ZNF7: variants seen among roughly 807,000 people sequenced by gnomAD.
ZNF7 encodes C2-H2 type zinc finger protein.
In ZNF7, 10 loss-of-function variants were observed where a neutral mutation model predicts 12.0. The observed-to-expected ratio is 0.83, with a 90% CI of 0.51 to 1.42. The LOEUF is 1.42. ZNF7 is among the 40% of genes most tolerant of loss of function. ZNF7 has a pLI of 0.00. For missense variants in ZNF7, 854 were observed against 837.2 expected (o/e 1.02, Z -0.25); for synonymous variants, 334 against 295.0 (o/e 1.13, Z -1.35).
At chr8:144,828,173 T>C (rs954633493) in intron 1 of ZNF7, 1 of 152,238 alleles carries the variant, frequency 6.6e-6, no homozygotes, top group African/African-American at 2.4e-5. Flanking sequence ...CACAAACCAC[T>C]TTCTGGGCCA....
At chr8:144,833,537 C>T (rs11986374) in intron 3 of ZNF7, among the ~76,000 whole-genome samples, 4 of 151,790 alleles carry the variant, frequency 2.6e-5, no homozygotes, top group South Asian at 4.2e-4. Context: ...CCACCACACC[C>T]GGCCAATTTT....
rs1401627086 is a variant in ZNF7, at chr8:144,842,320, A to G, written c.1213A>G (p.Arg405Gly). ...CAGTCCAAGCCTTGTTGCACATCAGAGAATTCACGCTGTAGAGAAACCATT... is the reference window on the plus strand; with the variant it reads ...CAGTCCAAGCCTTGTTGCACATCAGGGAATTCACGCTGTAGAGAAACCATT... Reference protein sequence around the residue: ...SDSPSLVAHQRIHAVEKPFKC... With the variant: ...SDSPSLVAHQGIHAVEKPFKC... Residue 405 changes from arginine (R) to glycine (G), a missense_variant, in exon 5 of 5, where the codon AGA becomes GGA. Transcript: ENST00000532777. The G allele has an allele frequency of 1.2e-6, 2 of 1,614,044 alleles. No homozygotes were observed. Among genetic ancestry groups the G allele is most frequent in the African/African-American group, 1.3e-5 (1 of 75,072 alleles).
Position 144,827,628 on chromosome 8 carries a change from C to T in ZNF7, c.-46+19C>T, listed in dbSNP as rs998708703. 2.4e-5 allele frequency: 24 copies of T among 985,482 alleles called. No individual in the cohort carries two copies. The highest frequency in any genetic ancestry group is 3.5e-5 in the African/African-American group (2 of 57,362). 61.0% of individuals were successfully genotyped at this position (985,482 alleles called of 1,614,324 possible). On this transcript the variant is annotated intron_variant, in intron 1 of 4. Coordinates refer to ENST00000532777, the MANE Select transcript of ZNF7 (RefSeq NM_003416.4). ...AGGGAGGGTGAGTCGGCGCGGCGGG[C>T]GCGGACTCGGGTTGCCCTCGGTCCG...
At position 144,842,679 on chromosome 8, in the gene ZNF7, C is replaced by T; in HGVS notation, c.1572C>T (p.Pro524=). 6.2e-7 allele frequency: 1 copy of T among 1,614,100 alleles called. No individual in the cohort carries two copies. Among genetic ancestry groups the T allele is most frequent in the Non-Finnish European group, 8.5e-7 (1 of 1,180,032 alleles). Residue 524 remains proline (P), a synonymous_variant, in exon 5 of 5, where the codon CCC becomes CCT. Coordinates refer to ENST00000532777, the MANE Select transcript of ZNF7 (RefSeq NM_003416.4). The part of the protein sequence containing the change: ...YHQRIHKGEK[P]YECLQCGKAF... ...AGAGAATCCATAAAGGAGAGAAGCC[C>T]TACGAATGCCTCCAATGCGGAAAAG... is the stretch of plus-strand genomic sequence containing the variant.
Position 144,841,748 on chromosome 8 carries a change from A to G in ZNF7, c.641A>G (p.His214Arg), listed in dbSNP as rs572851313. 8.7e-6 allele frequency: 14 copies of G among 1,614,202 alleles called. No individual in the cohort carries two copies. In the South Asian group the frequency reaches 1.3e-4, roughly 15 times the overall value. Residue 214 changes from histidine to arginine, a missense_variant, in exon 5 of 5, where the codon CAT (histidine) becomes CGT (arginine). Coordinates refer to ENST00000532777, the MANE Select transcript of ZNF7 (RefSeq NM_003416.4). ...GIRATSDIAL[H>R]WEINTQKISR... ...AGAGCCACTTCAGATATCGCTCTGC[A>G]TTGGGAAATTAATACACAGAAAATT...
rs777723168 is a variant in ZNF7, at chr8:144,841,594, T to C, written c.487T>C (p.Phe163Leu). 12 of 1,614,024 alleles carry C rather than the reference T, an allele frequency of 7.4e-6. No homozygotes were observed. The African/African-American group carries it at 1.2e-4, about 16-fold the overall frequency. ...TGAGGAGACTGTGGTTCCCAAGACC[T>C]TCACCAAGGACGCACCCCAGGGATG... ...LNEETVVPKT[F>L]TKDAPQGCKE... The change falls in exon 5 of 5, where the codon TTC becomes CTC. Residue 163 changes from phenylalanine to leucine, a missense_variant. Coordinates refer to ENST00000532777, the MANE Select transcript of ZNF7 (RefSeq NM_003416.4).
chr8:144,839,679 C>T (rs770659243), intron 4 of ZNF7, among the ~76,000 whole-genome samples: 2 of 152,310 alleles, frequency 1.3e-5, no homozygotes, highest in Non-Finnish European at 2.9e-5. Context: ...GGGATGTAGC[C>T]TCTTAGATAA....
intron 3 of ZNF7, among the ~76,000 whole-genome samples, chr8:144,833,349 TTTG>T (rs761981940): frequency 3.7e-4 from 53 of 143,090 alleles, no homozygotes; most frequent in Non-Finnish European, 7.6e-4. Flanking sequence ...TTGGTTTTTT[TTTG>T]TTTGTTTGTT....
Position 144,841,484 on chromosome 8 carries a change from C to T in ZNF7, c.377C>T (p.Ser126Phe). 1 of 1,613,890 alleles carries T rather than the reference C, an allele frequency of 6.2e-7. No individual in the cohort carries two copies. The highest frequency in any genetic ancestry group is 1.1e-5 in the South Asian group (1 of 91,078). ...CAGAATCCTGGCTTTGGAGACGTTT[C>T]TGATTCTGAGGTCTGGTTAGACAGT... ...FPQNPGFGDV[S>F]DSEVWLDSHL... The change falls in exon 5 of 5, where the codon TCT (serine) becomes TTT (phenylalanine). Residue 126 changes from serine (S) to phenylalanine (F), a missense_variant. By Grantham distance (155) the Ser-to-Phe change is radical. Transcript: ENST00000532777.
chr8:144,834,003 C>G (rs1563829182), intron 3 of ZNF7: 1 of 152,062 alleles, frequency 6.6e-6, no homozygotes, highest in African/African-American at 2.4e-5. Context: ...TGGTCTCGAA[C>G]TAACCTCAGG....
chr8:144,829,320 C>T, intron 2 of ZNF7, 158 bp from the exon 3 acceptor site: 1 of 1,538,146 alleles, frequency 6.5e-7, no homozygotes, highest in Non-Finnish European at 8.7e-7. Context: ...CCTTCCTCCT[C>T]CCCGAGACTG....
At chr8:144,829,214 C>T in intron 2 of ZNF7, 124 bp downstream of exon 2, 1 of 1,568,642 alleles carries the variant, frequency 6.4e-7, no homozygotes, top group Non-Finnish European at 8.6e-7. Context: ...GCCCCCTTGC[C>T]CCCAACCCCA....
At chr8:144,831,063 G>T (rs1395509535) in intron 3 of ZNF7, 4 of 455,996 alleles carry the variant, frequency 8.8e-6, no homozygotes, top group Non-Finnish European at 1.8e-5. Context: ...CATCCAGTGA[G>T]CTTGGTGCTT....
chr8:144,833,310 G>T (rs138887499), intron 3 of ZNF7, among the ~76,000 whole-genome samples: 1,574 of 151,048 alleles, frequency 0.01, 29 homozygotes, highest in African/African-American at 0.036. Context: ...AATCTCTCTT[G>T]TGGGCCAGCT....
rs778979242 is a variant in ZNF7, at chr8:144,827,612, G to A, written c.-46+3G>A. On this transcript the variant is annotated splice_donor_region_variant and intron_variant, in intron 1 of 4. Transcript: ENST00000532777. ...GCCTCGGGTGGTCCTCAGGGAGGGT[G>A]AGTCGGCGCGGCGGGCGCGGACTCG... 24 of 985,542 alleles carry A rather than the reference G, an allele frequency of 2.4e-5. No homozygotes were observed. Among genetic ancestry groups the A allele is most frequent in the Non-Finnish European group, 2.8e-5 (23 of 830,008 alleles). 61.0% of individuals were successfully genotyped at this position (985,542 alleles called of 1,614,324 possible).
chr8:144,842,117 G>C lies in ZNF7; in HGVS notation c.1010G>C (p.Arg337Pro), dbSNP rs141409063. The C allele has an allele frequency of 6.2e-7, 1 of 1,613,856 alleles. No homozygotes were observed. Among genetic ancestry groups the C allele is most frequent in the South Asian group, 1.1e-5 (1 of 91,060 alleles). Residue 337 changes from arginine to proline, a missense_variant, in exon 5 of 5, where the codon CGT (arginine) becomes CCT (proline). Arg to Pro is a moderately radical substitution (Grantham distance 103). Coordinates refer to ENST00000532777, the MANE Select transcript of ZNF7 (RefSeq NM_003416.4). Reference protein sequence around the residue: ...IHTGERPYGCRECGKAFSQQS... With the variant: ...IHTGERPYGCPECGKAFSQQS... Reference sequence around the variant, plus strand: ...ACAGGAGAGAGGCCCTATGGTTGTCGTGAGTGTGGGAAAGCCTTCAGCCAG... The same window carrying C: ...ACAGGAGAGAGGCCCTATGGTTGTCCTGAGTGTGGGAAAGCCTTCAGCCAG...
rs1563840280 is a variant in ZNF7, at chr8:144,841,564, T to C, written c.457T>C (p.Leu153=). ...AGGCTTTACCTTCCAAAATAACTGT[T>C]TGAATGAGGAGACTGTGGTTCCCAA... ...VTGFTFQNNC[L]NEETVVPKTF... is the part of the protein sequence containing the mutation. Residue 153 remains leucine, a synonymous_variant, in exon 5 of 5, where the codon TTG becomes CTG. Transcript: ENST00000532777. 2 of 1,614,056 alleles carry C rather than the reference T, an allele frequency of 1.2e-6. No individual in the cohort carries two copies. The highest frequency in any genetic ancestry group is 1.3e-5 in the African/African-American group (1 of 74,982).
intron 4 of ZNF7, among the ~76,000 whole-genome samples, chr8:144,840,337 G>A (rs775075349): frequency 3.3e-5 from 5 of 152,236 alleles, no homozygotes; most frequent in African/African-American, 1.2e-4. Flanking sequence ...GGAGATCCCT[G>A]GAAGCCGGAG....
At chr8:144,837,946 C>T in intron 4 of ZNF7, 2 of 641,728 alleles carry the variant, frequency 3.1e-6, no homozygotes, top group Non-Finnish European at 5.7e-6. Flanking sequence ...TTTCCTGTGG[C>T]TGCCATAACA....
Sources: gnomAD v4.1 joint callset for allele counts (sites outside exome capture counted in the v4.1 genomes callset) on GRCh38, gnomAD v4.1.1 for gene constraint, MANE v1.5 for transcripts, NCBI Gene and HGNC (gene_info 2026-07-23, HGNC 2026-07-21) for gene names.